The following ZDHHC11 variants were observed in gnomAD, a reference collection of about 807,000 sequenced individuals.
The protein encoded by ZDHHC11 is palmitoyltransferase ZDHHC11.
ZDHHC11 carries 44 observed loss-of-function variants against 51.3 expected under a neutral mutation model. That is an observed-to-expected ratio of 0.86 (90% CI 0.67 to 1.10). The LOEUF (loss-of-function observed/expected upper bound fraction) is 1.10, where lower values mean the gene tolerates loss of function less well. Among genes scored for constraint, ZDHHC11 ranks in the 50% least tolerant of loss-of-function variants. ZDHHC11 has a pLI of 0.00. For missense variants in ZDHHC11, 400 were observed against 537.7 expected (o/e 0.74, Z 2.53); for synonymous variants, 163 against 222.0 (o/e 0.73, Z 2.36).
intron 11 of ZDHHC11, among the ~76,000 whole-genome samples, chr5:803,981 G>A (rs1203172083): frequency 6.7e-6 from 1 of 149,792 alleles, no homozygotes; most frequent in African/African-American, 2.5e-5. Flanking sequence ...TAAGGAAGAT[G>A]AACAGAGCTT....
intron 7 of ZDHHC11, among the ~76,000 whole-genome samples, chr5:829,204 T>A (rs1256084577): frequency 1.4e-5 from 2 of 148,120 alleles, no homozygotes; most frequent in African/African-American, 5.0e-5. Flanking sequence ...AAAAGATAAA[T>A]CAAAAAGCCA....
At position 837,428 on chromosome 5, in the gene ZDHHC11, C is replaced by A; in HGVS notation, c.837G>T (p.Glu279Asp). 1.2e-6 allele frequency: 2 copies of A among 1,612,828 alleles called. No homozygotes were observed. The highest frequency in any genetic ancestry group is 2.2e-5 in the South Asian group (2 of 91,066). The change falls in exon 6 of 13, where the codon GAG (glutamate) becomes GAT (aspartate). Residue 279 changes from glutamate to aspartate, a missense_variant. Physicochemically the swap from Glu to Asp is conservative, Grantham distance 45. Coordinates refer to ENST00000283441, the MANE Select transcript of ZDHHC11 (RefSeq NM_024786.3). ...FEYLINNRKE[E>D]SSKHQAVRKD... ...TCCTCACTGCTTGATGTTTTGAACT[C>A]TCTTCTTTGCGGTTATTAATGAGAT... is the stretch of plus-strand genomic sequence containing the variant.
chr5:850,811 C>T lies in ZDHHC11; in HGVS notation c.-209G>A. 1 of 642,924 alleles carries T rather than the reference C, an allele frequency of 1.6e-6. No homozygotes were observed. Among genetic ancestry groups the T allele is most frequent in the Non-Finnish European group, 2.6e-6 (1 of 377,836 alleles). 39.8% of individuals were successfully genotyped at this position (642,924 alleles called of 1,614,324 possible). A position where few individuals can be genotyped will look rare whatever the true frequency, so the allele number is the denominator to read the frequency against. ...GCAGGGCCCCGCCCAGGGGAATGAA[C>T]AGACATGCTGCAGAATGTGACCCCG... On this transcript the variant is annotated 5_prime_UTR_variant, in exon 1 of 13. Transcript: ENST00000283441.
At chr5:854,528 G>C (rs1747843077), upstream of ZDHHC11, among the ~76,000 whole-genome samples, 1 of 150,960 alleles carries the variant, frequency 6.6e-6, no homozygotes, top group South Asian at 2.1e-4. Flanking sequence ...CACCATGGAG[G>C]ACAGCGAGCC....
intron 3 of ZDHHC11, among the ~76,000 whole-genome samples, chr5:846,494 G>A (rs1432439862): frequency 6.7e-6 from 1 of 149,982 alleles, no homozygotes; most frequent in African/African-American, 2.5e-5. Context: ...CCGTGCTCAG[G>A]GGAAACAACC....
intron 3 of ZDHHC11, 75 bp from the exon 4 acceptor site, chr5:843,799 G>C (rs1199190059): frequency 5.3e-6 from 1 of 188,134 alleles, no homozygotes; most frequent in South Asian, 8.6e-5. Flanking sequence ...GGTGTGGGGG[G>C]CACGGGGGCA....
chr5:804,481 A>C (rs1738957432), intron 11 of ZDHHC11, among the ~76,000 whole-genome samples: 1 of 150,882 alleles, frequency 6.6e-6, no homozygotes, highest in African/African-American at 2.4e-5. Flanking sequence ...TAAAGGAATG[A>C]ATCTACACAT....
At chr5:838,890 C>T (rs1347536781) in intron 5 of ZDHHC11, among the ~76,000 whole-genome samples, 1 of 149,132 alleles carries the variant, frequency 6.7e-6, no homozygotes, top group Non-Finnish European at 1.5e-5. Flanking sequence ...TATTTTAACC[C>T]AGGGAAACAT....
intron 7 of ZDHHC11, among the ~76,000 whole-genome samples, chr5:827,693 C>G (rs1381776470): frequency 1.3e-5 from 2 of 150,796 alleles, no homozygotes; most frequent in East Asian, 1.9e-4. Context: ...ACTATCCTAA[C>G]TATATATGCA....
In ZDHHC11 at chr5:837,919, G is replaced by C. The variant is rs549124576; in HGVS notation, c.785-439C>G. Among the ~76,000 whole-genome samples, 2 of 151,920 alleles carry C rather than the reference G, an allele frequency of 1.3e-5. 1 individual carries two copies. The highest frequency in any genetic ancestry group is 2.9e-5 in the Non-Finnish European group (2 of 67,860). On this transcript the variant is annotated intron_variant, in intron 5 of 12. Coordinates refer to ENST00000283441, the MANE Select transcript of ZDHHC11 (RefSeq NM_024786.3). ...TGTCTGAGGGTCCAGATGGCCTGTG[G>C]GGTTCCCCACATCTGGACACTGGGT... is the stretch of plus-strand genomic sequence containing the variant.
chr5:798,123 A>G (rs1212189499), intron 12 of ZDHHC11, among the ~76,000 whole-genome samples: 1 of 149,154 alleles, frequency 6.7e-6, no homozygotes, highest in African/African-American at 2.5e-5. Context: ...CACTGCAATG[A>G]GGGTACCGCC....
intron 1 of ZDHHC11, among the ~76,000 whole-genome samples, chr5:858,122 A>T (rs112286050): frequency 3.2e-5 from 2 of 61,744 alleles, no homozygotes; most frequent in African/African-American, 1.3e-4. Context: ...TCCCCGTCCT[A>T]TCTTTATGAC....
intron 1 of ZDHHC11, among the ~76,000 whole-genome samples, chr5:856,038 G>A (rs908644519): frequency 7.9e-5 from 12 of 151,990 alleles, no homozygotes; most frequent in Admixed American, 4.6e-4. Flanking sequence ...CAGGGGACAC[G>A]GACGTCACAT....
chr5:835,858 T>G (rs1235669764), intron 6 of ZDHHC11, among the ~76,000 whole-genome samples: 1 of 151,890 alleles, frequency 6.6e-6, no homozygotes, highest in African/African-American at 2.4e-5. Context: ...GAAAGGAAGT[T>G]TTAAAAATAT....
chr5:843,987 C>T (rs1237068208), intron 3 of ZDHHC11, among the ~76,000 whole-genome samples: 6 of 67,522 alleles, frequency 8.9e-5, no homozygotes, highest in East Asian at 9.4e-4. Flanking sequence ...CAGGGACACG[C>T]AGGGCATCTG....
At chr5:838,263 C>T (rs981504491) in intron 5 of ZDHHC11, among the ~76,000 whole-genome samples, 6 of 151,976 alleles carry the variant, frequency 3.9e-5, no homozygotes, top group Admixed American at 1.3e-4. Context: ...CTGATACACC[C>T]GTTTATCTAA....
rs137958257 is a variant in ZDHHC11, at chr5:848,613, C to G, written c.270G>C (p.Ala90=). The G allele has an allele frequency of 8.2e-6, 13 of 1,589,120 alleles. No individual in the cohort carries two copies. The highest frequency in any genetic ancestry group is 1.1e-5 in the Non-Finnish European group (13 of 1,168,062). The part of the protein sequence containing the change: ...FSFHLVVHLI[A]SCIDPADSNV... ...TGGAGTCGGCCGGGTCGATGCAGGACGCGATCAGGTGGACGACGAGGTGGA... is the reference window on the plus strand; with the variant it reads ...TGGAGTCGGCCGGGTCGATGCAGGAGGCGATCAGGTGGACGACGAGGTGGA... The change falls in exon 2 of 13, where the codon GCG becomes GCC. Residue 90 remains alanine (A), a synonymous_variant. Coordinates refer to ENST00000283441, the MANE Select transcript of ZDHHC11 (RefSeq NM_024786.3).
chr5:860,404 T>C (rs1021907724), upstream of ZDHHC11, among the ~76,000 whole-genome samples: 1 of 152,148 alleles, frequency 6.6e-6, no homozygotes, highest in Admixed American at 6.5e-5. The surrounding 1 kb of genome is among the most constrained non-coding windows in gnomAD (Gnocchi z 4.2). Flanking sequence ...ATGTCTGCAG[T>C]TAACGTCCTG....
At chr5:852,677 C>CA (rs1747413024), upstream of ZDHHC11, among the ~76,000 whole-genome samples, 3 of 135,794 alleles carry the variant, frequency 2.2e-5, no homozygotes, top group East Asian at 2.2e-4. Flanking sequence ...GACAGCGAGC[C>CA]GGGGGGACAG....
Sources: gnomAD v4.1 joint callset for allele counts (sites outside exome capture counted in the v4.1 genomes callset) on GRCh38, gnomAD v4.1.1 for gene constraint, Gnocchi (gnomAD v3.1) non-coding constraint, MANE v1.5 for transcripts, NCBI Gene and HGNC (gene_info 2026-07-23, HGNC 2026-07-21) for gene names.